The following RANBP2 variants were observed in gnomAD, a reference collection of about 807,000 sequenced individuals.
RANBP2 encodes E3 SUMO-protein ligase RanBP2.
RANBP2 carries 57 observed loss-of-function variants against 303.6 expected under a neutral mutation model. That is an observed-to-expected ratio of 0.19 (90% confidence interval 0.15 to 0.23). RANBP2 has a LOEUF of 0.23. RANBP2 is among the 10% of genes least tolerant of loss of function. The pLI, the probability that RANBP2 is intolerant of heterozygous loss-of-function variation, is 1.00. For missense variants in RANBP2, 3,138 were observed against 3,780.8 expected (o/e 0.83, Z 4.46); for synonymous variants, 1,167 against 1,301.5 (o/e 0.90, Z 2.23).
the RANBP2 span, among the ~76,000 whole-genome samples, chr2:109,496,457 G>A: frequency 1.3e-5 from 2 of 152,216 alleles, no homozygotes; most frequent in African/African-American, 4.8e-5. Flanking sequence ...GACCCAGGAA[G>A]TCCAGCTGGC....
At chr2:108,863,895 A>G in the RANBP2 span, among the ~76,000 whole-genome samples, 20 of 152,362 alleles carry the variant, frequency 1.3e-4, no homozygotes, top group African/African-American at 4.1e-4. Flanking sequence ...TTTTAGCCAT[A>G]TATTTGCTAC....
chr2:108,907,958 C>T, the RANBP2 span: 1 of 1,613,524 alleles, frequency 6.2e-7, no homozygotes, highest in Non-Finnish European at 8.5e-7. Flanking sequence ...GGGGCGGGCT[C>T]CTCATCACTG....
At chr2:108,917,466 ACCC>A in the RANBP2 span, among the ~76,000 whole-genome samples, 1 of 152,152 alleles carries the variant, frequency 6.6e-6, no homozygotes, top group Non-Finnish European at 1.5e-5. Flanking sequence ...TATCATAATT[ACCC>A]TGATCAGATC....
chr2:109,774,477 G>A, the RANBP2 span, among the ~76,000 whole-genome samples: 1 of 868 alleles, frequency 1.2e-3, no homozygotes, highest in Non-Finnish European at 2.5e-3. Context: ...GTGTCACCGC[G>A]AGACTCCTTC....
At chr2:108,870,124 A>G in the RANBP2 span, among the ~76,000 whole-genome samples, 1 of 152,352 alleles carries the variant, frequency 6.6e-6, no homozygotes, top group South Asian at 2.1e-4. Flanking sequence ...TAATGAAATC[A>G]GGGAAATGAT....
chr2:109,169,443 G>C, the RANBP2 span, among the ~76,000 whole-genome samples: 2 of 152,054 alleles, frequency 1.3e-5, no homozygotes, highest in African/African-American at 4.8e-5. Context: ...AGCTCCCTGT[G>C]GTGGAGGAGG....
the RANBP2 span, among the ~76,000 whole-genome samples, chr2:109,277,235 G>T: frequency 6.6e-6 from 1 of 152,284 alleles, no homozygotes; most frequent in Non-Finnish European, 1.5e-5. Flanking sequence ...TTTCGGATGT[G>T]TCACACTTGG....
chr2:109,332,518 T>A, the RANBP2 span, among the ~76,000 whole-genome samples: 1 of 152,166 alleles, frequency 6.6e-6, no homozygotes, highest in Non-Finnish European at 1.5e-5. Context: ...CCAGGATGTG[T>A]GAGGAACAGA....
chr2:108,981,172 G>T, the RANBP2 span, among the ~76,000 whole-genome samples: 4 of 152,316 alleles, frequency 2.6e-5, no homozygotes, highest in East Asian at 7.7e-4. Flanking sequence ...TGAAGTGACA[G>T]AAGTTACCCA....
the RANBP2 span, among the ~76,000 whole-genome samples, chr2:109,078,265 CGCGTATATATATATATATAT>C: frequency 3.8e-4 from 5 of 13,328 alleles, no homozygotes; most frequent in African/African-American, 1.8e-3. Context: ...ATATATATAG[CGCGTATATATATATATATAT>C]ATATATATAT....
At chr2:109,152,941 C>G in the RANBP2 span, among the ~76,000 whole-genome samples, 29 of 152,212 alleles carry the variant, frequency 1.9e-4, no homozygotes, top group Non-Finnish European at 3.8e-4. Flanking sequence ...ATGAAAACTT[C>G]TGGGAAAGGC....
the RANBP2 span, among the ~76,000 whole-genome samples, chr2:108,848,904 T>C: frequency 1.1e-4 from 16 of 152,306 alleles, no homozygotes; most frequent in South Asian, 3.3e-3. Context: ...GAACATAGAA[T>C]CTTAAATCAT....
chr2:109,624,754 T>C, the RANBP2 span, among the ~76,000 whole-genome samples: 1 of 152,090 alleles, frequency 6.6e-6, no homozygotes, highest in Non-Finnish European at 1.5e-5. Flanking sequence ...GCACCAGTGG[T>C]GGCCTTGGAA....
chr2:109,370,038 A>G, the RANBP2 span, among the ~76,000 whole-genome samples: 1 of 152,108 alleles, frequency 6.6e-6, no homozygotes. Context: ...TCTAGCAGAG[A>G]ACAAATAACG....
chr2:109,479,043 G>T, the RANBP2 span, among the ~76,000 whole-genome samples: 1 of 152,184 alleles, frequency 6.6e-6, no homozygotes, highest in Non-Finnish European at 1.5e-5. Flanking sequence ...TATGTGTCTG[G>T]CGGGTGGTGT....
chr2:109,345,263 A>T, the RANBP2 span, among the ~76,000 whole-genome samples: 1 of 151,824 alleles, frequency 6.6e-6, no homozygotes, highest in African/African-American at 2.4e-5. Flanking sequence ...CTTTATGTCA[A>T]CCAGTCTAGA....
At chr2:109,439,439 CTG>C in the RANBP2 span, among the ~76,000 whole-genome samples, 1 of 152,176 alleles carries the variant, frequency 6.6e-6, no homozygotes, top group Non-Finnish European at 1.5e-5. Flanking sequence ...AGAAAAAACA[CTG>C]TTGACAGTCC....
chr2:108,886,884 G>T, the RANBP2 span, among the ~76,000 whole-genome samples: 5 of 152,136 alleles, frequency 3.3e-5, no homozygotes, highest in Non-Finnish European at 5.9e-5. Context: ...TCTGTGTCAA[G>T]TATTTTTAGT....
At chr2:109,060,868 G>A in the RANBP2 span, among the ~76,000 whole-genome samples, 20 of 152,134 alleles carry the variant, frequency 1.3e-4, no homozygotes, top group Admixed American at 7.9e-4. Context: ...TAACATATAT[G>A]TCTTCATAGT....
Sources: allele counts gnomAD v4.1 joint callset (sites outside exome capture counted in the v4.1 genomes callset), GRCh38; gene constraint gnomAD v4.1.1; transcripts MANE v1.5; gene names NCBI Gene and HGNC (gene_info 2026-07-23, HGNC 2026-07-21).